POU6F2: variants seen among roughly 807,000 people sequenced by gnomAD.
POU6F2 encodes the protein POU domain, class 6, transcription factor 2.
In POU6F2, 31 loss-of-function variants were observed where a neutral mutation model predicts 71.3. The observed-to-expected ratio is 0.43, with a 90% CI of 0.33 to 0.59. POU6F2 has a LOEUF of 0.59. POU6F2 is among the 20% of genes least tolerant of loss of function. The probability of loss-of-function intolerance (pLI) is 0.04; values close to 1 mark genes in which losing one functional copy is unlikely to be tolerated. For missense variants in POU6F2, 783 were observed against 856.8 expected, an observed-to-expected ratio of 0.91 and a Z score of 1.07; for synonymous variants, 347 against 355.7, an observed-to-expected ratio of 0.98 and a Z score of 0.27.
At chr7:39,007,792 T>C (rs75606220) in intron 1 of POU6F2, among the ~76,000 whole-genome samples, 44,802 of 149,802 alleles carry the variant, frequency 0.3, 6,846 homozygotes, top group South Asian at 0.44. Flanking sequence ...TTTTTTGTTC[T>C]TGCGATAGTT....
intron 1 of POU6F2, among the ~76,000 whole-genome samples, chr7:39,012,926 A>C (rs954686452): frequency 1.3e-5 from 2 of 152,202 alleles, no homozygotes; most frequent in Non-Finnish European, 2.9e-5. Flanking sequence ...TGCTCTCTTC[A>C]AAGCTGTCAG....
At chr7:39,413,329 T>C (rs1291465127) in intron 6 of POU6F2, among the ~76,000 whole-genome samples, 2 of 152,170 alleles carry the variant, frequency 1.3e-5, no homozygotes, top group African/African-American at 4.8e-5. Flanking sequence ...AAAATATTCA[T>C]TGAAGAAGCA....
intron 4 of POU6F2, among the ~76,000 whole-genome samples, chr7:39,224,460 T>C (rs1794425346): frequency 6.6e-6 from 1 of 152,030 alleles, no homozygotes; most frequent in Non-Finnish European, 1.5e-5. Context: ...TGGGCAGTTA[T>C]GTCTTCTTAG....
intron 1 of POU6F2, among the ~76,000 whole-genome samples, chr7:39,033,527 C>T (rs1789991664): frequency 1.3e-5 from 2 of 152,294 alleles, no homozygotes; most frequent in South Asian, 4.1e-4. Context: ...TTGGAGGATC[C>T]TAATGTACTG....
chr7:39,074,801 A>G (rs1790963802), intron 1 of POU6F2, among the ~76,000 whole-genome samples: 1 of 152,204 alleles, frequency 6.6e-6, no homozygotes, highest in Non-Finnish European at 1.5e-5. Context: ...CTTTGTCGGA[A>G]GGGTCGCGGA....
intron 1 of POU6F2, among the ~76,000 whole-genome samples, chr7:39,044,632 G>A (rs139331146): frequency 1.2e-4 from 18 of 152,080 alleles, no homozygotes; most frequent in South Asian, 6.2e-4. Flanking sequence ...ACTGTGATGG[G>A]ATTAAATTAG....
intron 4 of POU6F2, among the ~76,000 whole-genome samples, chr7:39,290,105 T>C (rs1257008918): frequency 6.6e-6 from 1 of 152,240 alleles, no homozygotes; most frequent in African/African-American, 2.4e-5. Context: ...TTTTTTAACG[T>C]GTTTATGTCA....
chr7:39,017,793 T>C (rs1006311018), intron 1 of POU6F2, among the ~76,000 whole-genome samples: 2 of 144,262 alleles, frequency 1.4e-5, no homozygotes, highest in South Asian at 4.7e-4. Flanking sequence ...TTTATTAAGC[T>C]CATTCCCAGA....
At chr7:39,217,783 GACTTTTTATTTAAAA>G (rs1218933665) in intron 4 of POU6F2, among the ~76,000 whole-genome samples, 1 of 152,130 alleles carries the variant, frequency 6.6e-6, no homozygotes, top group Non-Finnish European at 1.5e-5. Flanking sequence ...TGAGGCTTTA[GACTTTTTATTTAAAA>G]TACCTGGAGA....
chr7:39,168,212 C>T (rs1438389313), intron 2 of POU6F2, among the ~76,000 whole-genome samples: 2 of 152,178 alleles, frequency 1.3e-5, no homozygotes, highest in Admixed American at 1.3e-4. Flanking sequence ...CGAGAGCCTT[C>T]AGATGACAAA....
chr7:39,442,815 A>G (rs1369745184), intron 7 of POU6F2, among the ~76,000 whole-genome samples: 4 of 152,346 alleles, frequency 2.6e-5, no homozygotes, highest in African/African-American at 7.2e-5. Context: ...CAAAAAGGTG[A>G]TGAATTAGTT....
chr7:39,030,857 C>T (rs563636872), intron 1 of POU6F2, among the ~76,000 whole-genome samples: 6 of 150,880 alleles, frequency 4.0e-5, no homozygotes, highest in East Asian at 3.9e-4. Flanking sequence ...TCCTGCCCCC[C>T]CCAAAAAAAA....
At chr7:39,287,125 T>A (rs1342186542) in intron 4 of POU6F2, among the ~76,000 whole-genome samples, 3 of 152,196 alleles carry the variant, frequency 2.0e-5, no homozygotes, top group Admixed American at 6.5e-5. Context: ...ACAGCATCAC[T>A]TTTTACCGAC....
chr7:39,313,193 C>G (rs370117266), intron 4 of POU6F2, among the ~76,000 whole-genome samples: 2 of 152,160 alleles, frequency 1.3e-5, no homozygotes, highest in Non-Finnish European at 2.9e-5. Context: ...GACCCACACT[C>G]TCCAGCCTCA....
At chr7:39,128,137 G>A (rs758506224) in intron 2 of POU6F2, among the ~76,000 whole-genome samples, 26 of 152,030 alleles carry the variant, frequency 1.7e-4, no homozygotes, top group Non-Finnish European at 3.1e-4. Context: ...CACTGTGCCC[G>A]GCCGCCAGTG....
intron 4 of POU6F2, among the ~76,000 whole-genome samples, chr7:39,245,747 G>A (rs373031382): frequency 1.5e-4 from 23 of 152,298 alleles, no homozygotes; most frequent in African/African-American, 5.1e-4. Flanking sequence ...ACTGCACATA[G>A]TTCCAGCTAG....
At chr7:39,233,932 G>A (rs1358653287) in intron 4 of POU6F2, among the ~76,000 whole-genome samples, 1 of 152,108 alleles carries the variant, frequency 6.6e-6, no homozygotes, top group Admixed American at 6.6e-5. Context: ...TTCATTAAAT[G>A]GTATTCGGCG....
chr7:39,048,410 T>C (rs1464131587), intron 1 of POU6F2, among the ~76,000 whole-genome samples: 1 of 151,744 alleles, frequency 6.6e-6, no homozygotes, highest in African/African-American at 2.4e-5. Context: ...CCCCTCTTTG[T>C]GTCTATGTGT....
At chr7:39,175,863 C>T (rs1020621001) in intron 2 of POU6F2, among the ~76,000 whole-genome samples, 2 of 152,134 alleles carry the variant, frequency 1.3e-5, no homozygotes, top group Non-Finnish European at 2.9e-5. Context: ...CTTGAGTCCC[C>T]TCCACCCATC....
Sources: gnomAD v4.1 joint callset for allele counts (sites outside exome capture counted in the v4.1 genomes callset) on GRCh38, gnomAD v4.1.1 for gene constraint, MANE v1.5 for transcripts, NCBI Gene and HGNC (gene_info 2026-07-23, HGNC 2026-07-21) for gene names.